The following PTPRZ1 variants were observed in gnomAD, a reference collection of about 807,000 sequenced individuals.
The protein encoded by PTPRZ1 is receptor-type tyrosine-protein phosphatase zeta.
PTPRZ1 carries 82 observed loss-of-function variants against 214.1 expected under a neutral mutation model. That is an observed-to-expected ratio of 0.38 (90% CI 0.32 to 0.46). The LOEUF (loss-of-function observed/expected upper bound fraction) is 0.46. Ranked by LOEUF, PTPRZ1 falls within the 20% of genes least tolerant of loss-of-function variation. The pLI is 1.00. For synonymous variants in PTPRZ1, 945 were observed against 987.9 expected (o/e 0.96, Z 0.81); for missense variants, 2,603 against 2,748.7 (o/e 0.95, Z 1.19).
At chr7:121,898,460 A>G (rs1340333601) in intron 1 of PTPRZ1, among the ~76,000 whole-genome samples, 1 of 152,214 alleles carries the variant, frequency 6.6e-6, no homozygotes, top group Non-Finnish European at 1.5e-5. Flanking sequence ...TATAAATGTA[A>G]TAGATATTGT....
intron 1 of PTPRZ1, among the ~76,000 whole-genome samples, chr7:121,918,530 C>T (rs998290839): frequency 6.6e-6 from 1 of 152,112 alleles, no homozygotes; most frequent in African/African-American, 2.4e-5. Context: ...AATGCTGCAT[C>T]TATCATGCAG....
At chr7:121,994,484 CA>C (rs1798076182) in intron 8 of PTPRZ1, among the ~76,000 whole-genome samples, 2 of 151,482 alleles carry the variant, frequency 1.3e-5, no homozygotes, top group Admixed American at 6.6e-5. Flanking sequence ...TTAGTAGAGA[CA>C]GGGTTTCACC....
intron 15 of PTPRZ1, among the ~76,000 whole-genome samples, chr7:122,032,790 A>G (rs1357130430): frequency 6.6e-6 from 1 of 152,216 alleles, no homozygotes; most frequent in Admixed American, 6.5e-5. Context: ...AGAAATCTAA[A>G]TCATAGCTAC....
Position 122,012,886 on chromosome 7 carries a change from C to A in PTPRZ1, c.3840C>A (p.His1280Gln). 6.2e-7 allele frequency: 1 copy of A among 1,614,144 alleles called. No homozygotes were observed. Among genetic ancestry groups the A allele is most frequent in the Non-Finnish European group, 8.5e-7 (1 of 1,180,028 alleles). ...EPVLLKSESS[H>Q]QVVPSLYSND... Reference sequence around the variant, plus strand: ...TTTTGTTAAAAAGTGAAAGTTCCCACCAAGTGGTACCTTCTTTGTACAGTA... The same window carrying A: ...TTTTGTTAAAAAGTGAAAGTTCCCAACAAGTGGTACCTTCTTTGTACAGTA... The change falls in exon 12 of 30, where the codon CAC becomes CAA. Residue 1280 changes from histidine to glutamine, a missense_variant. This residue lies in a region of PTPRZ1 where 1,913 missense variants were observed against 1,914.3 expected (regional missense o/e 1.00). Coordinates refer to ENST00000393386, the MANE Select transcript of PTPRZ1 (RefSeq NM_002851.3).
chr7:121,946,294 C>T (rs993601326), intron 2 of PTPRZ1, among the ~76,000 whole-genome samples: 4 of 152,108 alleles, frequency 2.6e-5, no homozygotes, highest in African/African-American at 9.7e-5. Context: ...TGGTAATAAC[C>T]ACAGACATGG....
Position 121,972,645 on chromosome 7 carries a change from TC to T in PTPRZ1, c.410del (p.Ser137LeufsTer8). 1 of 1,613,566 alleles carries T rather than the reference TC, an allele frequency of 6.2e-7. No individual in the cohort carries two copies. Among genetic ancestry groups the T allele is most frequent in the South Asian group, 1.1e-5 (1 of 90,992 alleles). On this transcript the variant is annotated frameshift_variant, in exon 4 of 30. Coordinates refer to ENST00000393386, the MANE Select transcript of PTPRZ1 (RefSeq NM_002851.3). LOFTEE classifies it high-confidence loss of function. Reference protein sequence around the residue: ...TFHWGKCNMSSDGSEHSLEGQ... With the variant: ...TFHWGKCNMSXDGSEHSLEGQ... ...TCACTGGGGAAAATGCAATATGTCA[TC>T]TGATGGATCAGAGCATAGTTTAGAA...
At chr7:122,003,187 G>T (rs1325395127) in intron 10 of PTPRZ1, among the ~76,000 whole-genome samples, 1 of 152,130 alleles carries the variant, frequency 6.6e-6, no homozygotes, top group Non-Finnish European at 1.5e-5. Context: ...CATAGGAAGA[G>T]AAATAGAACT....
At position 122,054,927 on chromosome 7, in the gene PTPRZ1, T is replaced by C; in HGVS notation, c.6382-14T>C. On this transcript the variant is annotated splice_polypyrimidine_tract_variant and intron_variant, in intron 26 of 29. Transcript: ENST00000393386. Reference sequence around the variant, plus strand: ...ATTAAAATCTAGACTCTTCTTTCATTTGCAATTCTGCAGGCAGAAGATGAA... The same window carrying C: ...ATTAAAATCTAGACTCTTCTTTCATCTGCAATTCTGCAGGCAGAAGATGAA... The C allele has an allele frequency of 6.3e-7, 1 of 1,577,466 alleles. No homozygotes were observed. Among genetic ancestry groups the C allele is most frequent in the African/African-American group, 1.4e-5 (1 of 72,396 alleles).
intron 15 of PTPRZ1, among the ~76,000 whole-genome samples, chr7:122,033,290 CT>C (rs1375920473): frequency 6.6e-6 from 1 of 151,768 alleles, no homozygotes; most frequent in Non-Finnish European, 1.5e-5. Flanking sequence ...CAAAAGAAGC[CT>C]TAAAAGGTTA....
chr7:122,054,012 G>C lies in PTPRZ1; in HGVS notation c.6355G>C (p.Val2119Leu). The C allele has an allele frequency of 6.2e-7, 1 of 1,613,126 alleles. No individual in the cohort carries two copies. The highest frequency in any genetic ancestry group is 1.3e-5 in the African/African-American group (1 of 74,976). Residue 2119 changes from valine (V) to leucine (L), a missense_variant, in exon 26 of 30, where the codon GTT (valine) becomes CTT (leucine). Val to Leu is a conservative substitution (Grantham distance 32). This residue lies in a region of PTPRZ1 where 134 missense variants were observed against 183.3 expected (regional missense o/e 0.73). Coordinates refer to ENST00000393386, the MANE Select transcript of PTPRZ1 (RefSeq NM_002851.3). Reference sequence around the variant, plus strand: ...ATGGGACCATAATGCCCAACTGGTGGTTATGATTCCTGATGGCCAAAACAT... The same window carrying C: ...ATGGGACCATAATGCCCAACTGGTGCTTATGATTCCTGATGGCCAAAACAT... ...MIWDHNAQLV[V>L]MIPDGQNMAE... is the part of the protein sequence containing the mutation.
At chr7:121,976,709 A>G (rs1006072385) in intron 5 of PTPRZ1, 76 bp from the exon 6 acceptor site, 9 of 1,180,074 alleles carry the variant, frequency 7.6e-6, no homozygotes, top group Non-Finnish European at 1.1e-5. Flanking sequence ...AATGGAATTC[A>G]TTAATCTTCA....
At chr7:122,027,629 G>A (rs557697509) in intron 13 of PTPRZ1, among the ~76,000 whole-genome samples, 1 of 152,060 alleles carries the variant, frequency 6.6e-6, no homozygotes, top group African/African-American at 2.4e-5. Flanking sequence ...TAAATTAAAT[G>A]ACCTACATCA....
At chr7:121,910,625 G>T (rs1045550852) in intron 1 of PTPRZ1, among the ~76,000 whole-genome samples, 1 of 152,018 alleles carries the variant, frequency 6.6e-6, no homozygotes, top group Admixed American at 6.6e-5. Context: ...TTAACTAAAT[G>T]AAGAAAGAAA....
rs778505688 is a variant in PTPRZ1 at position 122,036,729 on chromosome 7, A to AATT, written c.5367+53_5367+55dup. On this transcript the variant is annotated intron_variant, in intron 18 of 29. Transcript: ENST00000393386. ...ATTTTATAGAAATCATATTAGACTGAATTATTATACCATAATGCCATACAT... is the reference window on the plus strand; with the variant it reads ...ATTTTATAGAAATCATATTAGACTGAATTATTATTATACCATAATGCCATACAT... 8.4e-6 allele frequency: 11 copies of AATT among 1,312,886 alleles called. No individual in the cohort carries two copies. The African/African-American group carries it at 1.6e-4, about 19-fold the overall frequency. 81.3% of individuals were successfully genotyped at this position (1,312,886 alleles called of 1,614,324 possible). A position where few individuals can be genotyped will look rare whatever the true frequency, so the allele number is the denominator to read the frequency against.
chr7:121,983,205 A>G (rs1797665739), intron 6 of PTPRZ1, among the ~76,000 whole-genome samples: 1 of 152,224 alleles, frequency 6.6e-6, no homozygotes, highest in Non-Finnish European at 1.5e-5. Context: ...AATGTTAAAT[A>G]GAAGTGGTGA....
chr7:121,969,668 T>C (rs1037769588), intron 3 of PTPRZ1, among the ~76,000 whole-genome samples: 2 of 152,058 alleles, frequency 1.3e-5, no homozygotes, highest in Non-Finnish European at 2.9e-5. Context: ...TTTAAAATTA[T>C]TATGTTACAT....
intron 4 of PTPRZ1, among the ~76,000 whole-genome samples, chr7:121,974,518 C>G (rs562358081): frequency 6.6e-6 from 1 of 152,104 alleles, no homozygotes; most frequent in Non-Finnish European, 1.5e-5. Flanking sequence ...GACAGAGTCT[C>G]GCCCTGTCGC....
At chr7:121,874,866 T>A (rs1453389871) in intron 1 of PTPRZ1, among the ~76,000 whole-genome samples, 1 of 152,150 alleles carries the variant, frequency 6.6e-6, no homozygotes, top group Non-Finnish European at 1.5e-5. Flanking sequence ...AAGTACGTGG[T>A]CATCAAACAT....
rs1217639239 is a variant in PTPRZ1 at position 121,929,098 on chromosome 7, A to G, written c.124+877A>G. ...ATTTTCTTTCTTCTTTTTAATTGCT[A>G]TTTTAAAAGTAGTAAATATTCATTG... On this transcript the variant is annotated intron_variant, in intron 2 of 29. Coordinates refer to ENST00000393386, the MANE Select transcript of PTPRZ1 (RefSeq NM_002851.3). 5.3e-5 allele frequency among the ~76,000 whole-genome samples: 8 copies of G among 152,292 alleles called. No homozygotes were observed. In the East Asian group the frequency reaches 1.5e-3, roughly 29 times the overall value.
Sources: gnomAD v4.1 joint callset for allele counts (sites outside exome capture counted in the v4.1 genomes callset) on GRCh38, gnomAD v4.1.1 for gene constraint, gnomAD v4.1.1 regional missense constraint, MANE v1.5 for transcripts, NCBI Gene and HGNC (gene_info 2026-07-23, HGNC 2026-07-21) for gene names.